IRAK1BP1: variants seen among roughly 807,000 people sequenced by gnomAD.
The protein encoded by IRAK1BP1 is interleukin 1 receptor associated kinase 1 binding protein 1.
A neutral mutation model predicts 28.0 loss-of-function variants in IRAK1BP1; 24 were observed. The ratio of observed to expected loss-of-function variants is 0.86; its 90% CI spans 0.62 to 1.20. The LOEUF is 1.20. Among genes scored for constraint, IRAK1BP1 ranks in the 50% most tolerant of loss-of-function variants. IRAK1BP1 has a pLI of 0.00. For missense variants in IRAK1BP1, 336 were observed against 316.7 expected (o/e 1.06, Z -0.46); for synonymous variants, 131 against 116.3 (o/e 1.13, Z -0.81).
chr6:78,885,496 TTTTA>T (rs1291836090), intron 2 of IRAK1BP1, 53 bp downstream of exon 2: 3 of 855,316 alleles, frequency 3.5e-6, no homozygotes, highest in Non-Finnish European at 5.5e-6. Context: ...AGACAGTCAT[TTTTA>T]TTCTTGAACT....
In IRAK1BP1 at chr6:78,912,506, CTGTATACACACATAAATG is replaced by C. The variant is rs528297459; in HGVS notation, c.*67+9411_*67+9428del. ...AATAACATGATCAGAATTGGATTTG[CTGTATACACACATAAATG>C]TGTATACACACATACACACCACCAC... is the stretch of plus-strand genomic sequence containing the variant. On this transcript the variant is annotated intron_variant and NMD_transcript_variant, in intron 4 of 4. Coordinates refer to the IRAK1BP1 transcript ENST00000606868. Among the ~76,000 whole-genome samples the C allele has an allele frequency of 3.2e-3, 489 of 152,246 alleles. 3 individuals are homozygous for C. Among genetic ancestry groups the C allele is most frequent in the Middle Eastern group, 0.014 (4 of 294 alleles).
downstream of IRAK1BP1, among the ~76,000 whole-genome samples, chr6:78,904,665 G>T (rs1772215438): frequency 6.6e-6 from 1 of 152,004 alleles, no homozygotes; most frequent in African/African-American, 2.4e-5. Flanking sequence ...CATTTAAAAA[G>T]AATTAGTATA....
intron 1 of IRAK1BP1, among the ~76,000 whole-genome samples, chr6:78,875,358 G>C (rs2127666810): frequency 6.6e-6 from 1 of 152,212 alleles, no homozygotes; most frequent in East Asian, 1.9e-4. Context: ...ATTACCATTT[G>C]ACCTGGCAAT....
intron 4 of IRAK1BP1, among the ~76,000 whole-genome samples, chr6:78,935,248 A>G (rs1237331241): frequency 6.6e-6 from 1 of 152,206 alleles, no homozygotes; most frequent in Non-Finnish European, 1.5e-5. Context: ...TATTATATAC[A>G]AAATCATTTT....
chr6:78,920,449 G>T (rs1489161485), intron 4 of IRAK1BP1, among the ~76,000 whole-genome samples: 2 of 152,164 alleles, frequency 1.3e-5, no homozygotes, highest in African/African-American at 2.4e-5. Flanking sequence ...CAATGCAACA[G>T]AATAGAGAAC....
rs116368271 is a variant in IRAK1BP1, at chr6:78,873,563, A to G, written c.315+5672A>G. 4.8e-3 allele frequency among the ~76,000 whole-genome samples: 731 copies of G among 152,056 alleles called. 7 individuals are homozygous for G. The highest frequency in any genetic ancestry group is 0.017 in the African/African-American group (697 of 41,486). On this transcript the variant is annotated intron_variant, in intron 1 of 3. Transcript: ENST00000369940. Reference sequence around the variant, plus strand: ...TTACTATCATTGTTCACTGCAGCCTAAAACTCCGGGGCTCAAGCTATCCTC... The same window carrying G: ...TTACTATCATTGTTCACTGCAGCCTGAAACTCCGGGGCTCAAGCTATCCTC...
At chr6:78,917,905 C>G (rs1031599880) in intron 4 of IRAK1BP1, among the ~76,000 whole-genome samples, 1 of 152,176 alleles carries the variant, frequency 6.6e-6, no homozygotes. Context: ...GTCAGCCTTA[C>G]AAGAGATCCT....
At chr6:78,970,776 C>A in the IRAK1BP1 span, 1 of 1,549,550 alleles carries the variant, frequency 6.5e-7, no homozygotes, top group South Asian at 1.2e-5. Flanking sequence ...AAATCAATGT[C>A]ATACCCGTAG....
At chr6:78,959,004 T>C in the IRAK1BP1 span, among the ~76,000 whole-genome samples, 1 of 152,094 alleles carries the variant, frequency 6.6e-6, no homozygotes, top group Non-Finnish European at 1.5e-5. Context: ...GTAATTTTAA[T>C]CTAATTATCT....
At chr6:78,946,302 T>C (rs771053990) in exon 5 of IRAK1BP1, 41 of 1,547,844 alleles carry the variant, frequency 2.6e-5, no homozygotes, top group Non-Finnish European at 3.5e-5. Flanking sequence ...TATAGCTCTA[T>C]GTGAACGAAT....
chr6:78,885,497 T>C, intron 2 of IRAK1BP1, 54 bp downstream of exon 2: 1 of 842,890 alleles, frequency 1.2e-6, no homozygotes, highest in East Asian at 2.8e-5. Context: ...GACAGTCATT[T>C]TTATTCTTGA....
chr6:78,921,806 G>T (rs867526096), intron 4 of IRAK1BP1, among the ~76,000 whole-genome samples: 3 of 152,300 alleles, frequency 2.0e-5, no homozygotes, highest in African/African-American at 7.2e-5. Flanking sequence ...TGATACCCAG[G>T]AAAACAGGGT....
At chr6:78,904,078 T>G (rs1772195669), downstream of IRAK1BP1, among the ~76,000 whole-genome samples, 1 of 152,204 alleles carries the variant, frequency 6.6e-6, no homozygotes, top group South Asian at 2.1e-4. Context: ...CAGATACTGT[T>G]TATGGCAAAG....
chr6:78,955,953 A>G, the IRAK1BP1 span: 1 of 232,280 alleles, frequency 4.3e-6, no homozygotes, highest in Non-Finnish European at 8.3e-6. Flanking sequence ...TGCTTCTTCC[A>G]TTCCTCAGTC....
chr6:78,923,619 T>A (rs1772803918), intron 4 of IRAK1BP1, among the ~76,000 whole-genome samples: 1 of 152,164 alleles, frequency 6.6e-6, no homozygotes, highest in South Asian at 2.1e-4. Flanking sequence ...ATATACATTC[T>A]TTTCAGCACC....
chr6:78,942,326 T>C (rs1773546978), intron 4 of IRAK1BP1, among the ~76,000 whole-genome samples: 1 of 151,950 alleles, frequency 6.6e-6, no homozygotes, highest in South Asian at 2.1e-4. Context: ...CTACTAAAAG[T>C]ACAAAAAGTA....
At chr6:78,876,311 G>A (rs926561799) in intron 1 of IRAK1BP1, among the ~76,000 whole-genome samples, 6 of 152,142 alleles carry the variant, frequency 3.9e-5, no homozygotes, top group Non-Finnish European at 8.8e-5. Flanking sequence ...CCAGCCATGT[G>A]GAACTGAGAG....
the IRAK1BP1 span, chr6:78,957,189 A>G: frequency 3.9e-5 from 6 of 152,042 alleles, no homozygotes; most frequent in African/African-American, 1.4e-4. Context: ...AGACTTTCAA[A>G]TGTATTAACA....
chr6:78,976,081 A>C, the IRAK1BP1 span, among the ~76,000 whole-genome samples: 2 of 151,664 alleles, frequency 1.3e-5, no homozygotes, highest in East Asian at 3.9e-4. Context: ...ATCCTAAGCC[A>C]AAAGAACAAA....
Sources: allele counts gnomAD v4.1 joint callset (sites outside exome capture counted in the v4.1 genomes callset), GRCh38; gene constraint gnomAD v4.1.1; transcripts MANE v1.5; gene names NCBI Gene and HGNC (gene_info 2026-07-23, HGNC 2026-07-21).